Variants in GLI3 observed in about 807,000 individuals in gnomAD.
GLI3 encodes GLI family zinc finger 3, also known as transcription activator GLI3.
A neutral mutation model predicts 100.8 loss-of-function variants in GLI3; 20 were observed. The observed-to-expected ratio is 0.20, with a 90% confidence interval of 0.14 to 0.29. The LOEUF (loss-of-function observed/expected upper bound fraction) is 0.29, where lower values mean the gene tolerates loss of function less well. Among genes scored for constraint, GLI3 ranks in the 10% least tolerant of loss-of-function variants. GLI3 has a pLI of 1.00. For synonymous variants in GLI3, 938 were observed against 860.5 expected, an observed-to-expected ratio of 1.09 and a Z score of -1.58; for missense variants, 2,040 against 2,128.5, an observed-to-expected ratio of 0.96 and a Z score of 0.82.
chr7:42,052,325 C>G (rs1784368966), intron 4 of GLI3, among the ~76,000 whole-genome samples: 2 of 152,300 alleles, frequency 1.3e-5, no homozygotes, highest in East Asian at 3.9e-4. Context: ...CAAATCTGAT[C>G]ACACCAGTCG....
chr7:42,037,617 G>C (rs1784041249), intron 7 of GLI3, among the ~76,000 whole-genome samples: 1 of 152,174 alleles, frequency 6.6e-6, no homozygotes, highest in Non-Finnish European at 1.5e-5. Flanking sequence ...ATTGCACTGA[G>C]AGAGAAAAGA....
intron 6 of GLI3, among the ~76,000 whole-genome samples, chr7:42,044,318 G>A (rs1455471011): frequency 6.6e-6 from 1 of 152,202 alleles, no homozygotes; most frequent in Admixed American, 6.5e-5. Flanking sequence ...AGTGGCTTTT[G>A]CTGATGTATG....
At chr7:42,157,817 C>G (rs1787040426) in intron 2 of GLI3, among the ~76,000 whole-genome samples, 1 of 152,108 alleles carries the variant, frequency 6.6e-6, no homozygotes, top group Non-Finnish European at 1.5e-5. Context: ...TCTGTTGAAG[C>G]CTTGCTTTAA....
At chr7:41,998,463 T>C (rs1024707708) in intron 10 of GLI3, among the ~76,000 whole-genome samples, 24 of 152,214 alleles carry the variant, frequency 1.6e-4, no homozygotes, top group African/African-American at 5.5e-4. Flanking sequence ...TAATTATGCA[T>C]TCATTAATGG....
chr7:42,040,103 G>A lies in GLI3; in HGVS notation c.963C>T (p.Leu321=), dbSNP rs34965132. 208 of 1,613,958 alleles carry A rather than the reference G, an allele frequency of 1.3e-4. No individual in the cohort carries two copies. Among genetic ancestry groups the A allele is most frequent in the Non-Finnish European group, 1.7e-4 (197 of 1,179,946 alleles). ...CTGAAGAGCTGCTACGGGAATTATT[G>A]AGAATCGTGACCAAGGAGTTGGGAG... is the stretch of plus-strand genomic sequence containing the variant. ...RTSPNSLVTI[L]NNSRSSSSAS... is the part of the protein sequence containing the mutation. Residue 321 remains leucine, a synonymous_variant, in exon 7 of 15, where the codon CTC becomes CTT. Coordinates refer to ENST00000395925, the MANE Select transcript of GLI3 (RefSeq NM_000168.6).
At chr7:42,258,041 G>A (rs1789103224) in intron 1 of GLI3, among the ~76,000 whole-genome samples, 1 of 152,086 alleles carries the variant, frequency 6.6e-6, no homozygotes, top group Non-Finnish European at 1.5e-5. Context: ...ATGGCACTCT[G>A]TAATTCTTTA....
chr7:42,139,619 C>T (rs111445468), intron 3 of GLI3, among the ~76,000 whole-genome samples: 4 of 152,090 alleles, frequency 2.6e-5, no homozygotes, highest in East Asian at 3.9e-4. Context: ...GCAGAGGTTG[C>T]GGTGAGCCGA....
At chr7:42,176,224 A>G (rs934511924) in intron 2 of GLI3, among the ~76,000 whole-genome samples, 2 of 152,272 alleles carry the variant, frequency 1.3e-5, no homozygotes, top group Admixed American at 1.3e-4. Context: ...TGCTGACCCA[A>G]AGATATCCTC....
intron 4 of GLI3, among the ~76,000 whole-genome samples, chr7:42,060,984 G>T (rs1286681588): frequency 1.3e-5 from 2 of 152,108 alleles, no homozygotes; most frequent in African/African-American, 4.8e-5. Context: ...AAACAAACCA[G>T]CTCATGTTTG....
At chr7:42,104,275 C>T (rs1785528278) in intron 3 of GLI3, among the ~76,000 whole-genome samples, 1 of 152,170 alleles carries the variant, frequency 6.6e-6, no homozygotes, top group African/African-American at 2.4e-5. Context: ...GTAAAACCTA[C>T]CTAGACATAC....
chr7:42,007,908 A>T lies in GLI3; in HGVS notation c.1497+15560T>A, dbSNP rs902106772. Among the ~76,000 whole-genome samples the T allele has an allele frequency of 1.7e-4, 25 of 151,066 alleles. No individual in the cohort carries two copies. The Middle Eastern group carries it at 0.017, about 103-fold the overall frequency. On this transcript the variant is annotated intron_variant, in intron 10 of 14. Transcript: ENST00000395925. ...GTAGTAATATGTTTTATAATAAAAA[A>T]ATTAAAATAAAGAAGGAAAAGTCTT...
At chr7:41,977,434 G>A in intron 12 of GLI3, 124 bp downstream of exon 12, 2 of 953,844 alleles carry the variant, frequency 2.1e-6, no homozygotes, top group Non-Finnish European at 3.3e-6. Flanking sequence ...CAGGGGCAGA[G>A]CCCCTCATGC....
chr7:42,166,913 C>A (rs1260584125), intron 2 of GLI3, among the ~76,000 whole-genome samples: 1 of 151,758 alleles, frequency 6.6e-6, no homozygotes, highest in Non-Finnish European at 1.5e-5. Context: ...GCACCCTCTG[C>A]CTCCGGGGTT....
At chr7:41,973,397 A>G (rs1226846371) in intron 12 of GLI3, among the ~76,000 whole-genome samples, 1 of 152,228 alleles carries the variant, frequency 6.6e-6, no homozygotes, top group Non-Finnish European at 1.5e-5. Context: ...TAAGGTCTAT[A>G]AATTATTTCA....
intron 1 of GLI3, among the ~76,000 whole-genome samples, chr7:42,249,288 T>A (rs1308555638): frequency 6.6e-6 from 1 of 152,200 alleles, no homozygotes; most frequent in Non-Finnish European, 1.5e-5. Flanking sequence ...GGAGGGGCTG[T>A]GTTCCTGTAA....
chr7:42,072,593 G>A (rs1459311443), intron 4 of GLI3, among the ~76,000 whole-genome samples: 2 of 152,116 alleles, frequency 1.3e-5, no homozygotes, highest in Non-Finnish European at 2.9e-5. Context: ...TATACCAATT[G>A]CCTACATTCC....
At chr7:42,165,889 C>A (rs1422945483) in intron 2 of GLI3, among the ~76,000 whole-genome samples, 1 of 152,130 alleles carries the variant, frequency 6.6e-6, no homozygotes, top group East Asian at 1.9e-4. Context: ...AGATGCTTGG[C>A]AAATCCAAAA....
chr7:42,208,268 G>A (rs1385698568), intron 2 of GLI3, among the ~76,000 whole-genome samples: 3 of 152,202 alleles, frequency 2.0e-5, no homozygotes, highest in Non-Finnish European at 2.9e-5. Context: ...AGCAGGCTAT[G>A]TGGCCTTCAG....
At chr7:42,070,544 C>T (rs1784764595) in intron 4 of GLI3, among the ~76,000 whole-genome samples, 1 of 152,190 alleles carries the variant, frequency 6.6e-6, no homozygotes, top group South Asian at 2.1e-4. Flanking sequence ...AGTAACTTCT[C>T]TATGTCAAGG....
Sources: gnomAD v4.1 joint callset for allele counts (sites outside exome capture counted in the v4.1 genomes callset) on GRCh38, gnomAD v4.1.1 for gene constraint, MANE v1.5 for transcripts, NCBI Gene and HGNC (gene_info 2026-07-23, HGNC 2026-07-21) for gene names.